The following TLN1 variants were observed in gnomAD, a reference collection of about 807,000 sequenced individuals.
TLN1 encodes the protein talin 1.
Under a neutral mutation model 292.3 loss-of-function variants are expected in TLN1, and 56 were observed. That is an observed-to-expected ratio of 0.19 (90% CI 0.15 to 0.24). TLN1 has a LOEUF of 0.24. TLN1 is among the 10% of genes least tolerant of loss of function. The pLI is 1.00. For synonymous variants in TLN1, 1,119 were observed against 1,253.7 expected (o/e 0.89, Z 2.27); for missense variants, 2,433 against 3,248.2 (o/e 0.75, Z 6.10).
Position 35,711,091 on chromosome 9 carries a change from G to T in TLN1, c.4020-9C>A. The T allele has an allele frequency of 6.2e-7, 1 of 1,614,074 alleles. No individual in the cohort carries two copies. The highest frequency in any genetic ancestry group is 1.1e-5 in the South Asian group (1 of 91,048). ...TGCTGTCAGTTACTGCCCTGGGAGT[G>T]ACAGAAAGTTGAGTGAAAAGGTGAA... On this transcript the variant is annotated splice_polypyrimidine_tract_variant and intron_variant, in intron 30 of 56. Coordinates refer to ENST00000314888, the MANE Select transcript of TLN1 (RefSeq NM_006289.4).
chr9:35,718,848 T>C lies in TLN1; in HGVS notation c.1959A>G (p.Gln653=). ...GGTCAGTATCACTTTCCCCAATTTG[T>C]TGCAACAGCTCCCCACTGGCCTGGC... ...NVGQASGELL[Q]QIGESDTDPH... The change falls in exon 17 of 57, where the codon CAA becomes CAG. Residue 653 remains glutamine (Q), a synonymous_variant. Transcript: ENST00000314888. 1 of 1,613,774 alleles carries C rather than the reference T, an allele frequency of 6.2e-7. No individual in the cohort carries two copies.
rs1023847693 is a variant in TLN1 at position 35,711,154 on chromosome 9, T to A, written c.4020-72A>T. The stretch of plus-strand genomic sequence containing the variant: ...CCTGGGTCCTATGTAAGTATTTATC[T>A]TTTGCCTATAACCATTCCTAAGCCA... On this transcript the variant is annotated intron_variant, in intron 30 of 56. Coordinates refer to ENST00000314888, the MANE Select transcript of TLN1 (RefSeq NM_006289.4). 11 of 1,610,342 alleles carry A rather than the reference T, an allele frequency of 6.8e-6. No individual in the cohort carries two copies. The East Asian group carries it at 1.8e-4, about 26-fold the overall frequency.
chr9:35,699,263 G>A lies in TLN1; in HGVS notation c.6874+93C>T. The A allele has an allele frequency of 6.4e-7, 1 of 1,556,166 alleles. No homozygotes were observed. Among genetic ancestry groups the A allele is most frequent in the Non-Finnish European group, 8.7e-7 (1 of 1,149,044 alleles). ...GGCCCTGGCATCTGTGGGGACTATG[G>A]TCAGAGGCTAGCACAGAGCTGTCCA... On this transcript the variant is annotated intron_variant, in intron 51 of 56. Coordinates refer to ENST00000314888, the MANE Select transcript of TLN1 (RefSeq NM_006289.4). The surrounding 1 kb of genome is among the most constrained non-coding windows in gnomAD (Gnocchi z 4.0).
At position 35,714,035 on chromosome 9, in the gene TLN1, A is replaced by G; in HGVS notation, c.3167T>C (p.Val1056Ala). Residue 1056 changes from valine to alanine, a missense_variant, in exon 25 of 57, where the codon GTG (valine) becomes GCG (alanine). Physicochemically the swap from Val to Ala is moderately conservative, Grantham distance 64. Transcript: ENST00000314888. This position sits in a 1 kb window ranked among gnomAD's most constrained non-coding sequence, Gnocchi z 4.6. ...TAGATCTTTCTCTAGATTCTGTACCACACTCAGTGCAGAATCCATCTCCAA... is the reference window on the plus strand; with the variant it reads ...TAGATCTTTCTCTAGATTCTGTACCGCACTCAGTGCAGAATCCATCTCCAA... Reference protein sequence around the residue: ...GPLEMDSALSVVQNLEKDLQE... With the variant: ...GPLEMDSALSAVQNLEKDLQE... 3.1e-6 allele frequency: 5 copies of G among 1,614,134 alleles called. No homozygotes were observed. The highest frequency in any genetic ancestry group is 3.4e-6 in the Non-Finnish European group (4 of 1,180,006).
intron 19 of TLN1, 150 bp from the exon 20 acceptor site, chr9:35,716,706 T>C: frequency 1.2e-6 from 1 of 849,952 alleles, no homozygotes; most frequent in East Asian, 2.8e-5. Flanking sequence ...CATCATTTCT[T>C]TGGGGCTATT....
rs370754191 is a variant in TLN1 at position 35,711,304 on chromosome 9, T to G, written c.3970A>C (p.Thr1324Pro). The G allele has an allele frequency of 1.9e-6, 3 of 1,614,064 alleles. No homozygotes were observed. Among genetic ancestry groups the G allele is most frequent in the African/African-American group, 1.3e-5 (1 of 74,932 alleles). ...TTGAGGTTAGGGGCAGCAGGGTCCG[T>G]GGACAGGGCCTTGGCAGCCAGAAGA... ...KLLLAAKALSTDPAAPNLKSQ... is the reference protein window; with the variant it reads ...KLLLAAKALSPDPAAPNLKSQ... The change falls in exon 30 of 57, where the codon ACG (threonine) becomes CCG (proline). Residue 1324 changes from threonine to proline, a missense_variant. Transcript: ENST00000314888.
At chr9:35,718,369 G>T (rs1259008383) in intron 17 of TLN1, among the ~76,000 whole-genome samples, 1 of 152,232 alleles carries the variant, frequency 6.6e-6, no homozygotes, top group Non-Finnish European at 1.5e-5. Flanking sequence ...AGGGGAATCG[G>T]GGGGAGATCG....
At chr9:35,718,789 G>C (rs750541563) in intron 17 of TLN1, 23 bp downstream of exon 17, 2 of 1,594,158 alleles carry the variant, frequency 1.3e-6, no homozygotes, top group Non-Finnish European at 1.7e-6. Flanking sequence ...CTGGGGTTCT[G>C]GGGGGTTGGG....
Position 35,724,663 on chromosome 9 carries a change from TTCC to T in TLN1, c.417_419del (p.Glu140del). Reference sequence around the variant, plus strand: ...TGTCCTTTCTTAAGGTCCCTGTTATTTCCTCCTTTTTCTCTTCCATCAGCTCTC... The same window carrying T: ...TGTCCTTTCTTAAGGTCCCTGTTATTTCCTTTTTCTCTTCCATCAGCTCTC... On this transcript the variant is annotated inframe_deletion, in exon 5 of 57. Transcript: ENST00000314888. The surrounding 1 kb of genome is among the most constrained non-coding windows in gnomAD (Gnocchi z 4.7). 6.2e-7 allele frequency: 1 copy of T among 1,614,236 alleles called. No homozygotes were observed. Among genetic ancestry groups the T allele is most frequent in the African/African-American group, 1.3e-5 (1 of 75,054 alleles).
chr9:35,697,747 G>C lies in TLN1; in HGVS notation c.*44C>G, dbSNP rs373116877. On this transcript the variant is annotated 3_prime_UTR_variant, in exon 57 of 57. Transcript: ENST00000314888. ...GCCCAGAAGGCTTTGGTAGTGGCACGCACAGTCTCTGGGCCGGGTCTGCAT... is the reference window on the plus strand; with the variant it reads ...GCCCAGAAGGCTTTGGTAGTGGCACCCACAGTCTCTGGGCCGGGTCTGCAT... 2 of 1,607,110 alleles carry C rather than the reference G, an allele frequency of 1.2e-6. No individual in the cohort carries two copies. The highest frequency in any genetic ancestry group is 2.2e-5 in the East Asian group (1 of 44,816).
chr9:35,710,116 G>A (rs1825639126), intron 33 of TLN1, among the ~76,000 whole-genome samples: 1 of 147,464 alleles, frequency 6.8e-6, no homozygotes, highest in Non-Finnish European at 1.5e-5. Context: ...CCAGCTACTT[G>A]GAAGGCTGAG....
rs758988730 is a variant in TLN1, at chr9:35,708,406, G to A, written c.4405C>T (p.Arg1469Cys). The A allele has an allele frequency of 7.4e-6, 12 of 1,611,202 alleles. No homozygotes were observed. In the East Asian group the frequency reaches 1.3e-4, roughly 18 times the overall value. ...QGLVEPTQFA[R>C]ANQAIQMACQ... ...GCCATCTGAATTGCCTGGTTTGCAC[G>A]GGCAAACTGTGTGGGCTCCACTAGC... Residue 1469 changes from arginine to cysteine, a missense_variant, in exon 34 of 57, where the codon CGT (arginine) becomes TGT (cysteine). By Grantham distance (180) the Arg-to-Cys change is radical. Coordinates refer to ENST00000314888, the MANE Select transcript of TLN1 (RefSeq NM_006289.4).
At chr9:35,726,719 C>G (rs957212234) in intron 1 of TLN1, among the ~76,000 whole-genome samples, 2 of 152,194 alleles carry the variant, frequency 1.3e-5, no homozygotes, top group Non-Finnish European at 2.9e-5. Flanking sequence ...CTGGGCTTCC[C>G]AGGCAGTCAA....
Position 35,707,686 on chromosome 9 carries a change from G to C in TLN1, c.4632+45C>G, listed in dbSNP as rs751264038. On this transcript the variant is annotated intron_variant, in intron 35 of 56. Transcript: ENST00000314888. The surrounding 1 kb of genome is among the most constrained non-coding windows in gnomAD (Gnocchi z 5.6). ...AATAACTGGGGGACTCGGGGGAGAA[G>C]ATAGGACAGGTCAGGGAGAGGCTGG... is the stretch of plus-strand genomic sequence containing the variant. 1.2e-6 allele frequency: 2 copies of C among 1,613,076 alleles called. No homozygotes were observed. Among genetic ancestry groups the C allele is most frequent in the South Asian group, 2.2e-5 (2 of 90,962 alleles).
Position 35,697,443 on chromosome 9 carries a change from A to G in TLN1, c.*348T>C, listed in dbSNP as rs1299519313. ...GGGAAGATAGTATCAAAAAACGGTG[A>G]AGAGAGCTGATGAGGCTGTGGGGAC... On this transcript the variant is annotated 3_prime_UTR_variant, in exon 57 of 57. Coordinates refer to ENST00000314888, the MANE Select transcript of TLN1 (RefSeq NM_006289.4). The G allele has an allele frequency of 3.6e-6, 1 of 280,624 alleles. No individual in the cohort carries two copies. The highest frequency in any genetic ancestry group is 6.7e-6 in the Non-Finnish European group (1 of 148,438). 17.4% of individuals were successfully genotyped at this position (280,624 alleles called of 1,614,324 possible).
At chr9:35,702,596 G>A (rs183161177) in intron 48 of TLN1, among the ~76,000 whole-genome samples, 8 of 152,052 alleles carry the variant, frequency 5.3e-5, no homozygotes, top group Middle Eastern at 6.8e-3. Flanking sequence ...GGGTTCCAGC[G>A]ATTCTCCTGC....
In TLN1 at chr9:35,717,854, G is replaced by A. The variant is rs937850418; in HGVS notation, c.1996-68C>T. 2.0e-5 allele frequency: 30 copies of A among 1,518,348 alleles called. No individual in the cohort carries two copies. In the South Asian group the frequency reaches 2.6e-4, roughly 13 times the overall value. The allele number at this position is 1,518,348 out of a possible 1,614,324, so 94.1% of individuals were successfully genotyped here. A position where few individuals can be genotyped will look rare whatever the true frequency, so the allele number is the denominator to read the frequency against. On this transcript the variant is annotated intron_variant, in intron 17 of 56. Coordinates refer to ENST00000314888, the MANE Select transcript of TLN1 (RefSeq NM_006289.4). This position sits in a 1 kb window ranked among gnomAD's most constrained non-coding sequence, Gnocchi z 4.7. ...GGATTCACAGACACTTCTCAGAGGC[G>A]TAAGCTGCTTCATTATTCCCACTGA... is the stretch of plus-strand genomic sequence containing the variant.
intron 46 of TLN1, 30 bp from the exon 47 acceptor site, chr9:35,703,930 T>C (rs1226400047): frequency 2.5e-6 from 4 of 1,613,760 alleles, no homozygotes; most frequent in East Asian, 2.2e-5. Context: ...CTCTGGTCTA[T>C]GGGAGGAAGA....
At chr9:35,716,268 A>C (rs1052650631) in intron 20 of TLN1, 122 bp downstream of exon 20, 1 of 1,129,838 alleles carries the variant, frequency 8.9e-7, no homozygotes, top group African/African-American at 1.6e-5. Context: ...GAGTGCTCCT[A>C]TATTTGTCCT....
Sources: allele counts gnomAD v4.1 joint callset (sites outside exome capture counted in the v4.1 genomes callset), GRCh38; gene constraint gnomAD v4.1.1; non-coding constraint Gnocchi (gnomAD v3.1); transcripts MANE v1.5; gene names NCBI Gene and HGNC (gene_info 2026-07-23, HGNC 2026-07-21).